The following CNNM3 variants were observed in gnomAD, a reference collection of about 807,000 sequenced individuals.
The protein encoded by CNNM3 is cyclin and CBS domain divalent metal cation transport mediator 3, also known as metal transporter CNNM3.
In CNNM3, 47 loss-of-function variants were observed where a neutral mutation model predicts 57.1. That is an observed-to-expected ratio of 0.82 (90% confidence interval 0.65 to 1.05). The LOEUF (loss-of-function observed/expected upper bound fraction) is 1.05. Among genes scored for constraint, CNNM3 ranks in the 50% least tolerant of loss-of-function variants. The probability of loss-of-function intolerance (pLI) is 0.00; values close to 1 mark genes in which losing one functional copy is unlikely to be tolerated. For missense variants in CNNM3, 957 were observed against 973.7 expected (o/e 0.98, Z 0.23); for synonymous variants, 507 against 478.2 (o/e 1.06, Z -0.79).
At chr2:96,819,310 G>C (rs534334479) in intron 1 of CNNM3, among the ~76,000 whole-genome samples, 1 of 152,220 alleles carries the variant, frequency 6.6e-6, no homozygotes, top group Non-Finnish European at 1.5e-5. Context: ...TGGAATCAGC[G>C]GAGTAGGTTC....
intron 7 of CNNM3, among the ~76,000 whole-genome samples, chr2:96,830,727 C>G (rs2079587768): frequency 6.6e-6 from 1 of 152,258 alleles, no homozygotes; most frequent in Non-Finnish European, 1.5e-5. Context: ...TAAGGTCTTG[C>G]CATGGTGCCC....
At chr2:96,825,760 G>A (rs2079491500) in intron 2 of CNNM3, among the ~76,000 whole-genome samples, 1 of 152,198 alleles carries the variant, frequency 6.6e-6, no homozygotes, top group African/African-American at 2.4e-5. Context: ...CATTAGCTGG[G>A]CGTGGTGGTG....
At chr2:96,836,590 A>G (rs1445535370), downstream of CNNM3, 2 of 152,000 alleles carry the variant, frequency 1.3e-5, no homozygotes, top group Non-Finnish European at 2.9e-5. Context: ...TGTTGCCCAC[A>G]CCTGGTCTCA....
At position 96,832,852 on chromosome 2, in the gene CNNM3, G is replaced by T; in HGVS notation, c.*236G>T. On this transcript the variant is annotated 3_prime_UTR_variant, in exon 8 of 8. Transcript: ENST00000305510. ...CACCAGGGCACAGCCCTCCAGGCCC[G>T]CCTCAGGAAGGAATGAAAGGAATGC... The T allele has an allele frequency of 6.6e-7, 1 of 1,507,656 alleles. No homozygotes were observed. Among genetic ancestry groups the T allele is most frequent in the Non-Finnish European group, 8.9e-7 (1 of 1,129,320 alleles). 93.4% of individuals were successfully genotyped at this position (1,507,656 alleles called of 1,614,324 possible).
intron 1 of CNNM3, among the ~76,000 whole-genome samples, chr2:96,822,861 T>C (rs1193518012): frequency 6.6e-6 from 1 of 151,902 alleles, no homozygotes; most frequent in Non-Finnish European, 1.5e-5. Flanking sequence ...TTCAAATAAT[T>C]GGGGTACCCT....
chr2:96,817,842 C>T (rs766217328), intron 1 of CNNM3, among the ~76,000 whole-genome samples: 3 of 151,830 alleles, frequency 2.0e-5, no homozygotes, highest in Non-Finnish European at 4.4e-5. Context: ...GTGTGCTTGA[C>T]TTTGTAGCAG....
intron 7 of CNNM3, among the ~76,000 whole-genome samples, chr2:96,831,177 T>C (rs1559015387): frequency 6.6e-6 from 1 of 152,178 alleles, no homozygotes; most frequent in Non-Finnish European, 1.5e-5. Context: ...CTAGACACAA[T>C]GTTGGTTATT....
chr2:96,829,243 C>T (rs1254728614), intron 7 of CNNM3, 109 bp downstream of exon 7: 2 of 1,348,778 alleles, frequency 1.5e-6, no homozygotes, highest in South Asian at 4.2e-5. Flanking sequence ...TTTTTTCTCT[C>T]TTTTCTCCCC....
chr2:96,828,095 C>T lies in CNNM3; in HGVS notation c.1690-4C>T. 1 of 1,613,692 alleles carries T rather than the reference C, an allele frequency of 6.2e-7. No individual in the cohort carries two copies. Among genetic ancestry groups the T allele is most frequent in the South Asian group, 1.1e-5 (1 of 91,072 alleles). On this transcript the variant is annotated splice_polypyrimidine_tract_variant and splice_region_variant and intron_variant, in intron 4 of 7. Coordinates refer to ENST00000305510, the MANE Select transcript of CNNM3 (RefSeq NM_017623.5). ...TCTGTTTCTCTCCTTGCCACTCCTCCCAGGGCAGGGTTGAAGTGGAGATCG... is the reference window on the plus strand; with the variant it reads ...TCTGTTTCTCTCCTTGCCACTCCTCTCAGGGCAGGGTTGAAGTGGAGATCG...
intron 4 of CNNM3, 51 bp from the exon 5 acceptor site, chr2:96,828,048 C>A: frequency 1.3e-6 from 2 of 1,586,688 alleles, no homozygotes; most frequent in Non-Finnish European, 1.7e-6. Flanking sequence ...TGTCTTCTGA[C>A]GGGAAAGGTA....
chr2:96,830,923 C>G (rs536544614), intron 7 of CNNM3, among the ~76,000 whole-genome samples: 69 of 152,342 alleles, frequency 4.5e-4, no homozygotes, highest in African/African-American at 1.6e-3. Flanking sequence ...ACTGGGGTCT[C>G]AGAGGCCAAG....
At chr2:96,819,041 A>C (rs1167152674) in intron 1 of CNNM3, among the ~76,000 whole-genome samples, 1 of 152,034 alleles carries the variant, frequency 6.6e-6, no homozygotes, top group East Asian at 1.9e-4. Flanking sequence ...TCCTTGCAGG[A>C]GGCCTGGGTG....
At chr2:96,832,461 C>G in intron 7 of CNNM3, 91 bp from the exon 8 acceptor site, 1 of 1,593,396 alleles carries the variant, frequency 6.3e-7, no homozygotes, top group Admixed American at 1.7e-5. Context: ...TCTTAGCTGC[C>G]CCTTCCTGTC....
rs1242219614 is a variant in CNNM3 at position 96,816,591 on chromosome 2, T to A, written c.314T>A (p.Leu105Gln). Residue 105 changes from leucine (L) to glutamine (Q), a missense_variant, in exon 1 of 8, where the codon CTG becomes CAG. By Grantham distance (113) the Leu-to-Gln change is moderately radical (BLOSUM62 -2). Transcript: ENST00000305510. ...TGGCGCGCGCTGCTGCGCTTGCGCC[T>A]GCGGGCCGAGGCCGTGCGCCCGCAC... Reference protein sequence around the residue: ...GEWRALLRLRLRAEAVRPHSA... With the variant: ...GEWRALLRLRQRAEAVRPHSA... 3.2e-6 allele frequency: 4 copies of A among 1,252,276 alleles called. No homozygotes were observed. Among genetic ancestry groups the A allele is most frequent in the Non-Finnish European group, 4.0e-6 (4 of 1,000,710 alleles). The allele number at this position is 1,252,276 out of a possible 1,614,324, so 77.6% of individuals were successfully genotyped here.
chr2:96,827,054 G>A (rs2079520103), intron 3 of CNNM3, 72 bp downstream of exon 3: 13 of 1,531,564 alleles, frequency 8.5e-6, no homozygotes, highest in South Asian at 1.2e-5. Flanking sequence ...GCCCAGGGCC[G>A]ACACTGACTC....
Position 96,833,952 on chromosome 2 carries a change from CTG to C in CNNM3, c.*1338_*1339del, listed in dbSNP as rs1491424623. ...TGTTTATTTGAGATGGAGTCTCACT[CTG>C]TCACCCAGGCTGGAGTGCAGTGGTG... On this transcript the variant is annotated 3_prime_UTR_variant, in exon 8 of 8. Transcript: ENST00000305510. The C allele has an allele frequency of 6.6e-6, 1 of 152,356 alleles. No homozygotes were observed. The highest frequency in any genetic ancestry group is 2.4e-5 in the African/African-American group (1 of 41,470). The allele number at this position is 152,356 out of a possible 1,614,324, so 9.4% of individuals were successfully genotyped here. A position where few individuals can be genotyped will look rare whatever the true frequency, so the allele number is the denominator to read the frequency against.
At chr2:96,822,416 C>T (rs1157297872) in intron 1 of CNNM3, among the ~76,000 whole-genome samples, 1 of 152,046 alleles carries the variant, frequency 6.6e-6, no homozygotes, top group East Asian at 1.9e-4. Context: ...TCAAGTGATC[C>T]TTCCACTTCA....
At chr2:96,830,723 C>G (rs2079587716) in intron 7 of CNNM3, among the ~76,000 whole-genome samples, 1 of 152,116 alleles carries the variant, frequency 6.6e-6, no homozygotes, top group Non-Finnish European at 1.5e-5. Flanking sequence ...GAGATAAGGT[C>G]TTGCCATGGT....
chr2:96,820,385 C>T (rs1417712736), intron 1 of CNNM3, among the ~76,000 whole-genome samples: 1 of 152,084 alleles, frequency 6.6e-6, no homozygotes, highest in East Asian at 1.9e-4. Context: ...GTGCAGTGTC[C>T]CAAGAGGCAA....
Sources: gnomAD v4.1 joint callset for allele counts (sites outside exome capture counted in the v4.1 genomes callset) on GRCh38, gnomAD v4.1.1 for gene constraint, MANE v1.5 for transcripts, NCBI Gene and HGNC (gene_info 2026-07-23, HGNC 2026-07-21) for gene names.